Variants in SLC4A10 observed in about 807,000 individuals in gnomAD.
The protein encoded by SLC4A10 is sodium-driven chloride bicarbonate exchanger.
A neutral mutation model predicts 137.7 loss-of-function variants in SLC4A10; 42 were observed. That is an observed-to-expected ratio of 0.30 (90% CI 0.24 to 0.39). The LOEUF (loss-of-function observed/expected upper bound fraction) is 0.39, where lower values mean the gene tolerates loss of function less well. Ranked by LOEUF, SLC4A10 falls within the 10% of genes least tolerant of loss-of-function variation. The pLI is 1.00. For synonymous variants in SLC4A10, 474 were observed against 464.1 expected (o/e 1.02, Z -0.27); for missense variants, 925 against 1,355.0 (o/e 0.68, Z 4.98).
chr2:161,667,054 T>G (rs1230493274), intron 1 of SLC4A10, among the ~76,000 whole-genome samples: 1 of 151,610 alleles, frequency 6.6e-6, no homozygotes, highest in Non-Finnish European at 1.5e-5. Flanking sequence ...TCACTGTTAT[T>G]TATATTGGGC....
intron 2 of SLC4A10, among the ~76,000 whole-genome samples, chr2:161,789,964 C>T (rs2054033861): frequency 6.6e-6 from 1 of 152,090 alleles, no homozygotes; most frequent in Non-Finnish European, 1.5e-5. Context: ...GTCACTCTAT[C>T]TGATAAGCAC....
At chr2:161,639,594 C>T (rs1190419768) in intron 1 of SLC4A10, among the ~76,000 whole-genome samples, 1 of 151,954 alleles carries the variant, frequency 6.6e-6, no homozygotes, top group Non-Finnish European at 1.5e-5. Context: ...AAAAACCCTC[C>T]CAAATTAGGT....
chr2:161,651,568 C>T (rs1173818528), intron 1 of SLC4A10, among the ~76,000 whole-genome samples: 1 of 152,212 alleles, frequency 6.6e-6, no homozygotes, highest in Non-Finnish European at 1.5e-5. Context: ...GTGACACCCT[C>T]TTTGGGGCTC....
intron 1 of SLC4A10, among the ~76,000 whole-genome samples, chr2:161,684,958 G>A (rs2041230154): frequency 6.6e-6 from 1 of 152,204 alleles, no homozygotes; most frequent in Admixed American, 6.5e-5. Context: ...GTCAGATGAT[G>A]TGTGCATATT....
At chr2:161,921,786 T>C (rs1688183085) in intron 15 of SLC4A10, among the ~76,000 whole-genome samples, 1 of 152,228 alleles carries the variant, frequency 6.6e-6, no homozygotes, top group Non-Finnish European at 1.5e-5. Flanking sequence ...AGGACCATTT[T>C]GTCTTAAAGC....
chr2:161,634,738 T>C (rs142033927), intron 1 of SLC4A10, among the ~76,000 whole-genome samples: 463 of 152,110 alleles, frequency 3.0e-3, no homozygotes, highest in African/African-American at 0.01. Flanking sequence ...TTTTTAGCTA[T>C]TTTGAAATAT....
At chr2:161,879,613 A>G (rs555978141) in intron 9 of SLC4A10, among the ~76,000 whole-genome samples, 8 of 144,750 alleles carry the variant, frequency 5.5e-5, no homozygotes, top group Non-Finnish European at 7.5e-5. Flanking sequence ...TTTCTCAAAG[A>G]TTGCATTAAA....
At chr2:161,782,638 G>A (rs2053170606) in intron 2 of SLC4A10, among the ~76,000 whole-genome samples, 1 of 150,600 alleles carries the variant, frequency 6.6e-6, no homozygotes, top group African/African-American at 2.4e-5. Flanking sequence ...TCAGCAAAGA[G>A]ATAGAAAATA....
At chr2:161,878,839 T>A (rs1303707189) in intron 8 of SLC4A10, among the ~76,000 whole-genome samples, 1 of 152,152 alleles carries the variant, frequency 6.6e-6, no homozygotes, top group Non-Finnish European at 1.5e-5. Context: ...TTAACTGAAC[T>A]CACATACTTT....
intron 4 of SLC4A10, among the ~76,000 whole-genome samples, chr2:161,849,903 G>C (rs995065155): frequency 6.6e-6 from 1 of 152,022 alleles, no homozygotes; most frequent in Admixed American, 6.6e-5. Flanking sequence ...AATGATGCTG[G>C]CCTCATAGAA....
intron 2 of SLC4A10, among the ~76,000 whole-genome samples, chr2:161,790,655 T>G (rs2054098401): frequency 6.6e-6 from 1 of 152,184 alleles, no homozygotes; most frequent in South Asian, 2.1e-4. Flanking sequence ...CAGCCAATAG[T>G]AAATTTCAGT....
Position 161,836,584 on chromosome 2 carries a change from GAAA to G in SLC4A10, c.278-3204_278-3202del, listed in dbSNP as rs1403702568. On this transcript the variant is annotated intron_variant, in intron 3 of 26. Coordinates refer to ENST00000446997, the MANE Select transcript of SLC4A10 (RefSeq NM_001178015.2). Reference sequence around the variant, plus strand: ...AGAAAGAAAGAAAGAAAGAAAGAAAGAAAGAAAGAAAGAAAGGAAGGAAGGAAA... The same window carrying G: ...AGAAAGAAAGAAAGAAAGAAAGAAAGGAAAGAAAGAAAGGAAGGAAGGAAA... 8.9e-4 allele frequency among the ~76,000 whole-genome samples: 78 copies of G among 87,984 alleles called. 5 individuals carry two copies. Among genetic ancestry groups the G allele is most frequent in the South Asian group, 8.0e-3 (22 of 2,738 alleles). The allele number at this position is 87,984 out of a possible 152,430, so 57.7% of individuals were successfully genotyped here.
chr2:161,715,839 T>A (rs1212558063), intron 1 of SLC4A10, among the ~76,000 whole-genome samples: 2 of 152,122 alleles, frequency 1.3e-5, no homozygotes, highest in African/African-American at 2.4e-5. Flanking sequence ...TGATTTATAT[T>A]CCTTTGAGTG....
intron 11 of SLC4A10, among the ~76,000 whole-genome samples, chr2:161,896,805 G>A (rs1487152525): frequency 6.6e-6 from 1 of 152,050 alleles, no homozygotes; most frequent in Non-Finnish European, 1.5e-5. Flanking sequence ...GAGAAACTTG[G>A]CAGTTTGATG....
In SLC4A10 at chr2:161,947,708, G is replaced by C. The variant is rs545143437; in HGVS notation, c.2246G>C (p.Ser749Thr). The C allele has an allele frequency of 1.8e-5, 29 of 1,612,268 alleles. No individual in the cohort carries two copies. The highest frequency in any genetic ancestry group is 2.4e-5 in the Non-Finnish European group (28 of 1,179,056). ...LSATLKQFKT[S>T]RYFPTKVRSI... The stretch of plus-strand genomic sequence containing the variant: ...GCCACCCTGAAGCAGTTCAAGACTA[G>C]CAGATATTTTCCAACCAAGGTACTT... The change falls in exon 17 of 27, where the codon AGC becomes ACC. Residue 749 changes from serine (S) to threonine (T), a missense_variant. Ser to Thr is a moderately conservative substitution (Grantham distance 58). Around this residue, in one of 11 missense-constraint regions of SLC4A10, gnomAD observed 82 missense variants for 151.4 expected, o/e 0.54. Transcript: ENST00000446997.
rs866436090 is a variant in SLC4A10, at chr2:161,723,927, C to T, written c.49-47046C>T. On this transcript the variant is annotated intron_variant, in intron 1 of 26. Coordinates refer to ENST00000446997, the MANE Select transcript of SLC4A10 (RefSeq NM_001178015.2). ...AGACATTGCATCCTGGTAGACATCTCTGCTCATTTGTCTTATAAATATCTC... is the reference window on the plus strand; with the variant it reads ...AGACATTGCATCCTGGTAGACATCTTTGCTCATTTGTCTTATAAATATCTC... 1.1e-3 allele frequency among the ~76,000 whole-genome samples: 168 copies of T among 152,322 alleles called. 1 individual carries two copies. The highest frequency in any genetic ancestry group is 3.8e-3 in the African/African-American group (157 of 41,562).
chr2:161,805,116 G>A (rs1405117513), intron 3 of SLC4A10, among the ~76,000 whole-genome samples: 1 of 152,190 alleles, frequency 6.6e-6, no homozygotes, highest in Non-Finnish European at 1.5e-5. Context: ...AGCAAGTCAT[G>A]TCTTACATGG....
chr2:161,680,990 G>A (rs2040793844), intron 1 of SLC4A10, among the ~76,000 whole-genome samples: 1 of 152,076 alleles, frequency 6.6e-6, no homozygotes, highest in Admixed American at 6.6e-5. Context: ...CAATAAGTGA[G>A]ATATAACTTC....
intron 15 of SLC4A10, among the ~76,000 whole-genome samples, chr2:161,940,415 G>T (rs1004032373): frequency 1.3e-4 from 20 of 151,714 alleles, no homozygotes; most frequent in African/African-American, 4.9e-4. Flanking sequence ...TCAACCTCAG[G>T]CCTGGAACAC....
Sources: gnomAD v4.1 joint callset for allele counts (sites outside exome capture counted in the v4.1 genomes callset) on GRCh38, gnomAD v4.1.1 for gene constraint, gnomAD v4.1.1 regional missense constraint, MANE v1.5 for transcripts, NCBI Gene and HGNC (gene_info 2026-07-23, HGNC 2026-07-21) for gene names.